Variants in TLE4 observed in about 807,000 individuals in gnomAD.
The protein encoded by TLE4 is transducin-like enhancer protein 4.
Under a neutral mutation model 92.8 loss-of-function variants are expected in TLE4, and 8 were observed. That is an observed-to-expected ratio of 0.09 (90% CI 0.05 to 0.16). The LOEUF (loss-of-function observed/expected upper bound fraction) is 0.16. TLE4 is among the 10% of genes least tolerant of loss of function. TLE4 has a pLI of 1.00. For synonymous variants in TLE4, 371 were observed against 374.1 expected, an observed-to-expected ratio of 0.99 and a Z score of 0.10; for missense variants, 675 against 997.6, an observed-to-expected ratio of 0.68 and a Z score of 4.36.
intron 14 of TLE4, 83 bp downstream of exon 14, chr9:79,709,782 CA>C: frequency 8.4e-7 from 1 of 1,185,724 alleles, no homozygotes; most frequent in South Asian, 1.3e-5. Flanking sequence ...TACCACTAGA[CA>C]GTGTTGGGGG....
chr9:79,655,865 A>G (rs1046898718), intron 8 of TLE4, among the ~76,000 whole-genome samples: 1 of 152,170 alleles, frequency 6.6e-6, no homozygotes, highest in African/African-American at 2.4e-5. Context: ...CTCCCAGAAG[A>G]CTGTGAAAAT....
At chr9:79,666,622 T>G (rs531118086) in intron 8 of TLE4, among the ~76,000 whole-genome samples, 71 of 152,386 alleles carry the variant, frequency 4.7e-4, no homozygotes, top group African/African-American at 1.5e-3. Flanking sequence ...TTCTTGAATT[T>G]TATTTTTAAC....
chr9:79,586,911 A>G (rs113281924), intron 4 of TLE4, among the ~76,000 whole-genome samples: 9 of 152,374 alleles, frequency 5.9e-5, no homozygotes, highest in Admixed American at 3.3e-4. Context: ...ACATTCGGGT[A>G]AATGGACTAC....
At chr9:79,688,161 G>A (rs926931302) in intron 8 of TLE4, among the ~76,000 whole-genome samples, 8 of 152,162 alleles carry the variant, frequency 5.3e-5, no homozygotes, top group African/African-American at 9.6e-5. Flanking sequence ...AGTATACTTC[G>A]TGCTGTCCTA....
intron 5 of TLE4, among the ~76,000 whole-genome samples, chr9:79,618,269 T>C (rs1365185687): frequency 6.6e-6 from 1 of 152,266 alleles, no homozygotes; most frequent in East Asian, 1.9e-4. Context: ...TAACAAACTC[T>C]AGCTTTGACT....
intron 15 of TLE4, 119 bp from the exon 16 acceptor site, chr9:79,719,927 A>G (rs996692319): frequency 3.5e-5 from 45 of 1,292,678 alleles, no homozygotes; most frequent in Middle Eastern, 2.6e-4. Flanking sequence ...TCATTGTCAT[A>G]AGTATAAACG....
chr9:79,655,751 G>A (rs974444289), intron 8 of TLE4, among the ~76,000 whole-genome samples: 6 of 152,182 alleles, frequency 3.9e-5, no homozygotes, highest in Admixed American at 2.6e-4. Flanking sequence ...ACCAGCCTTT[G>A]AAAGCCTGTC....
chr9:79,720,631 A>C (rs988542551), intron 16 of TLE4, among the ~76,000 whole-genome samples: 9 of 152,086 alleles, frequency 5.9e-5, no homozygotes, highest in African/African-American at 2.2e-4. Context: ...ATGTACATAA[A>C]GTTTCCATGA....
intron 4 of TLE4, among the ~76,000 whole-genome samples, chr9:79,592,525 C>T (rs2042968859): frequency 6.6e-6 from 1 of 152,130 alleles, no homozygotes; most frequent in African/African-American, 2.4e-5. Flanking sequence ...ACACGCCCAC[C>T]TCATCCTTCC....
At chr9:79,601,298 C>T in intron 4 of TLE4, 1 of 441,222 alleles carries the variant, frequency 2.3e-6, no homozygotes, top group Non-Finnish European at 4.6e-6. Context: ...CTAAATAAAC[C>T]ATATCAGAAT....
At chr9:79,643,086 T>C (rs1269924541) in intron 6 of TLE4, among the ~76,000 whole-genome samples, 1 of 152,180 alleles carries the variant, frequency 6.6e-6, no homozygotes, top group African/African-American at 2.4e-5. Context: ...AGATATTTGT[T>C]AAAGTAAGGT....
At chr9:79,674,183 G>A (rs1427123738) in intron 8 of TLE4, among the ~76,000 whole-genome samples, 1 of 152,186 alleles carries the variant, frequency 6.6e-6, no homozygotes, top group African/African-American at 2.4e-5. Context: ...GGGCTCTGGA[G>A]ACAGCTCTGC....
At chr9:79,649,632 C>A (rs1220497003) in intron 6 of TLE4, 3 of 296,470 alleles carry the variant, frequency 1.0e-5, no homozygotes, top group Non-Finnish European at 1.9e-5. Context: ...AGGAAAAGGA[C>A]CCTTCTCTAA....
intron 8 of TLE4, among the ~76,000 whole-genome samples, chr9:79,679,115 A>G (rs928637226): frequency 6.6e-5 from 10 of 152,028 alleles, no homozygotes; most frequent in Non-Finnish European, 1.3e-4. Context: ...AGCATGATGT[A>G]TAGTCCTTTG....
chr9:79,715,726 G>A (rs534884730), intron 14 of TLE4, among the ~76,000 whole-genome samples: 130 of 152,172 alleles, frequency 8.5e-4, no homozygotes, highest in Non-Finnish European at 1.6e-3. Flanking sequence ...CATAATCCTG[G>A]TTGACTCTGG....
chr9:79,643,016 C>T (rs2057459531), intron 6 of TLE4, among the ~76,000 whole-genome samples: 1 of 152,242 alleles, frequency 6.6e-6, no homozygotes, highest in African/African-American at 2.4e-5. Context: ...AAGTTTCTTC[C>T]TTTGTTCTCT....
chr9:79,598,542 A>G (rs1339120597), intron 4 of TLE4, among the ~76,000 whole-genome samples: 1 of 152,180 alleles, frequency 6.6e-6, no homozygotes, highest in Non-Finnish European at 1.5e-5. Flanking sequence ...TCTAAAAAGC[A>G]TTTAAAAATA....
intron 8 of TLE4, among the ~76,000 whole-genome samples, chr9:79,679,499 G>T (rs951557746): frequency 5.3e-5 from 8 of 152,198 alleles, no homozygotes; most frequent in Admixed American, 4.6e-4. Context: ...TGAGTTCATT[G>T]TAGATTCTGG....
At chr9:79,626,615 A>G (rs943387958) in intron 5 of TLE4, among the ~76,000 whole-genome samples, 1 of 152,212 alleles carries the variant, frequency 6.6e-6, no homozygotes, top group African/African-American at 2.4e-5. Context: ...AGAGACTTCC[A>G]TGCTACTTTT....
Sources: gnomAD v4.1 joint callset for allele counts (sites outside exome capture counted in the v4.1 genomes callset) on GRCh38, gnomAD v4.1.1 for gene constraint, MANE v1.5 for transcripts, NCBI Gene and HGNC (gene_info 2026-07-23, HGNC 2026-07-21) for gene names.